The following SLC9A9 variants were observed in gnomAD, a reference collection of about 807,000 sequenced individuals.
SLC9A9 encodes sodium/hydrogen exchanger 9.
In SLC9A9, 62 loss-of-function variants were observed where a neutral mutation model predicts 77.8. That is an observed-to-expected ratio of 0.80 (90% confidence interval 0.65 to 0.98). The LOEUF (loss-of-function observed/expected upper bound fraction) is 0.98. Among genes scored for constraint, SLC9A9 ranks in the 50% least tolerant of loss-of-function variants. The probability of loss-of-function intolerance (pLI) is 0.00; values close to 1 mark genes in which losing one functional copy is unlikely to be tolerated. For synonymous variants in SLC9A9, 320 were observed against 283.5 expected, an observed-to-expected ratio of 1.13 and a Z score of -1.29; for missense variants, 775 against 774.9, an observed-to-expected ratio of 1.00 and a Z score of 0.00.
intron 9 of SLC9A9, chr3:143,503,405 T>G: frequency 6.3e-6 from 2 of 317,910 alleles, no homozygotes; most frequent in Non-Finnish European, 1.2e-5. Flanking sequence ...AGTGGAAGAA[T>G]GAGTGTCACT....
chr3:143,371,682 A>T (rs1407129409), intron 13 of SLC9A9, among the ~76,000 whole-genome samples: 2 of 152,204 alleles, frequency 1.3e-5, no homozygotes, highest in Non-Finnish European at 2.9e-5. Flanking sequence ...TTTCAGAAGG[A>T]TGTAAATTGT....
At chr3:143,637,832 C>T (rs1197891707) in intron 6 of SLC9A9, among the ~76,000 whole-genome samples, 1 of 152,168 alleles carries the variant, frequency 6.6e-6, no homozygotes, top group Non-Finnish European at 1.5e-5. Context: ...CCAACCCAAC[C>T]TTTACTTCTC....
At chr3:143,415,239 T>A (rs895606070) in intron 12 of SLC9A9, among the ~76,000 whole-genome samples, 8 of 152,290 alleles carry the variant, frequency 5.3e-5, no homozygotes, top group Middle Eastern at 3.4e-3. Flanking sequence ...ATCCAGAAGA[T>A]CTAGTTAAAA....
chr3:143,295,064 T>C (rs781081820), intron 14 of SLC9A9, among the ~76,000 whole-genome samples: 1 of 152,236 alleles, frequency 6.6e-6, no homozygotes, highest in Non-Finnish European at 1.5e-5. Context: ...TGAATCTGGT[T>C]TGCAGATTAG....
At chr3:143,353,614 T>A (rs960639030) in intron 14 of SLC9A9, among the ~76,000 whole-genome samples, 4 of 152,100 alleles carry the variant, frequency 2.6e-5, no homozygotes, top group South Asian at 2.1e-4. Flanking sequence ...CTGAACAAAC[T>A]AAAAAAACAC....
At chr3:143,643,817 G>A (rs1341118807) in intron 6 of SLC9A9, among the ~76,000 whole-genome samples, 1 of 151,970 alleles carries the variant, frequency 6.6e-6, no homozygotes, top group Non-Finnish European at 1.5e-5. Context: ...CTGGTCACAG[G>A]GATGGGAATG....
chr3:143,382,729 T>C (rs1048621563), intron 12 of SLC9A9, among the ~76,000 whole-genome samples: 1 of 152,218 alleles, frequency 6.6e-6, no homozygotes, highest in Non-Finnish European at 1.5e-5. Context: ...GCAAATGCAA[T>C]AGACCTCTCA....
intron 9 of SLC9A9, chr3:143,517,579 A>G: frequency 6.3e-7 from 1 of 1,597,604 alleles, no homozygotes; most frequent in Non-Finnish European, 8.5e-7. Flanking sequence ...GCATTGCACT[A>G]GCATCTTCAT....
intron 5 of SLC9A9, among the ~76,000 whole-genome samples, chr3:143,663,449 C>A (rs2039012653): frequency 6.6e-6 from 1 of 152,220 alleles, no homozygotes; most frequent in African/African-American, 2.4e-5. Context: ...CGGAACAAAG[C>A]TGGATGGAGA....
chr3:143,621,402 T>G (rs1482526095), intron 6 of SLC9A9, among the ~76,000 whole-genome samples: 2 of 152,182 alleles, frequency 1.3e-5, no homozygotes, highest in Admixed American at 6.5e-5. Flanking sequence ...GGCTGGGTAC[T>G]CCTCTGAGAC....
At chr3:143,517,898 A>G in intron 9 of SLC9A9, 2 of 1,533,740 alleles carry the variant, frequency 1.3e-6, no homozygotes, top group Non-Finnish European at 1.8e-6. Context: ...TGCCTGATCC[A>G]TCATCTCCTC....
intron 4 of SLC9A9, among the ~76,000 whole-genome samples, chr3:143,737,816 C>T (rs1934980553): frequency 2.0e-5 from 3 of 152,004 alleles, no homozygotes; most frequent in Admixed American, 1.3e-4. Flanking sequence ...ACAGAATACC[C>T]AGTCTCAGTC....
chr3:143,727,041 T>A (rs79031620), intron 4 of SLC9A9, among the ~76,000 whole-genome samples: 7 of 138,512 alleles, frequency 5.1e-5, no homozygotes, highest in Non-Finnish European at 9.5e-5. Context: ...TGAAAAAAAA[T>A]TAGCTGTAAG....
chr3:143,647,800 C>A (rs1386429959), intron 6 of SLC9A9, among the ~76,000 whole-genome samples: 15 of 152,102 alleles, frequency 9.9e-5, no homozygotes, highest in Non-Finnish European at 1.5e-5. Flanking sequence ...TGGTTGTGAG[C>A]ACCTTTATAA....
At chr3:143,579,654 T>C (rs1286769050) in intron 6 of SLC9A9, among the ~76,000 whole-genome samples, 1 of 152,168 alleles carries the variant, frequency 6.6e-6, no homozygotes, top group Admixed American at 6.5e-5. Flanking sequence ...TAAAAACTAA[T>C]CAGGAAAAAT....
chr3:143,818,538 C>T (rs1282418068), intron 2 of SLC9A9, among the ~76,000 whole-genome samples: 1 of 151,920 alleles, frequency 6.6e-6, no homozygotes, highest in African/African-American at 2.4e-5. Flanking sequence ...AACTCCTGAC[C>T]TCAAGTGATC....
chr3:143,786,895 C>T (rs1255622713), intron 4 of SLC9A9, among the ~76,000 whole-genome samples: 1 of 152,110 alleles, frequency 6.6e-6, no homozygotes, highest in Non-Finnish European at 1.5e-5. Context: ...CAGAGAGCAG[C>T]AGCCCAGACG....
chr3:143,757,118 A>T (rs930154102), intron 4 of SLC9A9, among the ~76,000 whole-genome samples: 1 of 152,160 alleles, frequency 6.6e-6, no homozygotes, highest in East Asian at 1.9e-4. Context: ...TGCCCCTTGT[A>T]AACTATGGTA....
intron 4 of SLC9A9, among the ~76,000 whole-genome samples, chr3:143,751,835 C>T (rs2006730651): frequency 6.6e-6 from 1 of 152,176 alleles, no homozygotes; most frequent in Non-Finnish European, 1.5e-5. Flanking sequence ...GAGAAGCAGA[C>T]CACAGCGAAG....
Sources: gnomAD v4.1 joint callset for allele counts (sites outside exome capture counted in the v4.1 genomes callset) on GRCh38, gnomAD v4.1.1 for gene constraint, MANE v1.5 for transcripts, NCBI Gene and HGNC (gene_info 2026-07-23, HGNC 2026-07-21) for gene names.